Variants in TRRAP observed in about 807,000 individuals in gnomAD.
The protein encoded by TRRAP is transformation/transcription domain-associated protein.
In TRRAP, 41 loss-of-function variants were observed where a neutral mutation model predicts 438.8. That is an observed-to-expected ratio of 0.09 (90% CI 0.07 to 0.12). The LOEUF (loss-of-function observed/expected upper bound fraction) is 0.12. TRRAP is among the 10% of genes least tolerant of loss of function. The pLI is 1.00. For missense variants in TRRAP, 3,122 were observed against 5,055.1 expected, an observed-to-expected ratio of 0.62 and a Z score of 11.60; for synonymous variants, 1,994 against 1,962.9, an observed-to-expected ratio of 1.02 and a Z score of -0.42.
chr7:98,879,328 TC>T (rs1270050707), intron 1 of TRRAP, among the ~76,000 whole-genome samples: 7 of 152,178 alleles, frequency 4.6e-5, no homozygotes, highest in African/African-American at 1.7e-4. Context: ...GTTGACGACT[TC>T]CGTGGGAAGG....
rs148636423 is a variant in TRRAP, at chr7:98,968,895, G to C, written c.7512+1197G>C. ...CGTTCAGGAGACCTTTCGACTGCTG[G>C]TTAGTTGCCAGGCACTGGGTCAGGT... is the stretch of plus-strand genomic sequence containing the variant. On this transcript the variant is annotated intron_variant, in intron 51 of 72. Coordinates refer to ENST00000456197, the MANE Select transcript of TRRAP (RefSeq NM_001375524.1). 2.0e-5 allele frequency among the ~76,000 whole-genome samples: 3 copies of C among 152,354 alleles called. No individual in the cohort carries two copies. In the East Asian group the frequency reaches 5.8e-4, roughly 29 times the overall value.
chr7:98,958,828 G>A (rs988698962), intron 44 of TRRAP, among the ~76,000 whole-genome samples: 3 of 152,124 alleles, frequency 2.0e-5, no homozygotes, highest in African/African-American at 4.8e-5. Context: ...AGCAGTTTTA[G>A]TGCTTTGATA....
At position 98,910,232 on chromosome 7, in the gene TRRAP, C is replaced by G; in HGVS notation, c.1527C>G (p.Pro509=). The change falls in exon 15 of 73, where the codon CCC becomes CCG. Residue 509 remains proline (P), a synonymous_variant. Coordinates refer to ENST00000456197, the MANE Select transcript of TRRAP (RefSeq NM_001375524.1). ...CCCCTGTCCCTGCCCCACCTCCACC[C>G]CCGCCCCCACCCCCACCTGCCACCC... ...SPAPVPAPPP[P]PPPPPPATPV... 1 of 1,435,524 alleles carries G rather than the reference C, an allele frequency of 7.0e-7. No individual in the cohort carries two copies. The highest frequency in any genetic ancestry group is 9.2e-7 in the Non-Finnish European group (1 of 1,089,922). 88.9% of individuals were successfully genotyped at this position (1,435,524 alleles called of 1,614,324 possible).
rs572659624 is a variant in TRRAP, at chr7:98,964,616, T to C, written c.6830-13T>C. ...ACTTTTCTGTGAAACACTTGGCAATTTCTACATTTTAGGGACCCTTATGAT... is the reference window on the plus strand; with the variant it reads ...ACTTTTCTGTGAAACACTTGGCAATCTCTACATTTTAGGGACCCTTATGAT... On this transcript the variant is annotated splice_polypyrimidine_tract_variant and intron_variant, in intron 47 of 72. Coordinates refer to ENST00000456197, the MANE Select transcript of TRRAP (RefSeq NM_001375524.1). The C allele has an allele frequency of 6.2e-7, 1 of 1,603,138 alleles. No individual in the cohort carries two copies. The highest frequency in any genetic ancestry group is 1.1e-5 in the South Asian group (1 of 88,708).
intron 11 of TRRAP, among the ~76,000 whole-genome samples, chr7:98,901,431 G>A (rs150550687): frequency 6.6e-6 from 1 of 152,362 alleles, no homozygotes; most frequent in Non-Finnish European, 1.5e-5. Context: ...TTAAGGGGAT[G>A]CAGCTCAATC....
At chr7:98,879,458 C>T (rs544616192) in intron 1 of TRRAP, among the ~76,000 whole-genome samples, 40 of 151,542 alleles carry the variant, frequency 2.6e-4, no homozygotes, top group African/African-American at 9.2e-4. Flanking sequence ...TCTTGGGTAC[C>T]CTGGGATGGG....
chr7:98,994,089 A>G lies in TRRAP; in HGVS notation c.10047+352A>G, dbSNP rs961530711. ...ATAATTTCCATAGATGGGAAATTGT[A>G]GGGATGTGGGGTCTTTTCAGCAGTC... On this transcript the variant is annotated intron_variant, in intron 66 of 72. Transcript: ENST00000456197. The surrounding 1 kb of genome is among the most constrained non-coding windows in gnomAD (Gnocchi z 4.8). Among the ~76,000 whole-genome samples, 1 of 152,160 alleles carries G rather than the reference A, an allele frequency of 6.6e-6. No individual in the cohort carries two copies.
At chr7:98,884,902 C>T (rs893117191) in intron 3 of TRRAP, among the ~76,000 whole-genome samples, 1 of 152,078 alleles carries the variant, frequency 6.6e-6, no homozygotes, top group South Asian at 2.1e-4. Flanking sequence ...AAAGTTATCT[C>T]GTATTTTGCA....
Position 98,988,975 on chromosome 7 carries a change from G to GA in TRRAP, c.9591+15dup, listed in dbSNP as rs1793270349. ...GGAAATACTTAGCCAAGGTGAGACC[G>GA]AAAAAACGAGCTTTGACCAGAGGCC... is the stretch of plus-strand genomic sequence containing the variant. On this transcript the variant is annotated intron_variant, in intron 63 of 72. Transcript: ENST00000456197. 6.2e-7 allele frequency: 1 copy of GA among 1,608,720 alleles called. No individual in the cohort carries two copies. The highest frequency in any genetic ancestry group is 8.5e-7 in the Non-Finnish European group (1 of 1,177,558).
intron 29 of TRRAP, among the ~76,000 whole-genome samples, 160 bp downstream of exon 29, chr7:98,937,437 C>T (rs1554414533): frequency 1.3e-5 from 2 of 152,094 alleles, no homozygotes; most frequent in African/African-American, 4.8e-5. Context: ...TAAGAATATA[C>T]CTGTTTCATA....
chr7:98,928,210 T>A (rs1252863682), intron 23 of TRRAP, among the ~76,000 whole-genome samples: 1 of 151,854 alleles, frequency 6.6e-6, no homozygotes, highest in African/African-American at 2.4e-5. Flanking sequence ...TGTTCCAGCC[T>A]GGGCAACAAG....
Position 98,976,232 on chromosome 7 carries a change from C to G in TRRAP, c.7923C>G (p.Pro2641=). 3.1e-6 allele frequency: 5 copies of G among 1,614,184 alleles called. No homozygotes were observed. The highest frequency in any genetic ancestry group is 4.2e-6 in the Non-Finnish European group (5 of 1,180,026). The part of the protein sequence containing the change: ...LAEKTWVQLF[P]RLWKILSDRQ... ...AGAAGACGTGGGTCCAGCTTTTCCC[C>G]AGATTGTGGAAGATCCTCTCTGACA... Residue 2641 remains proline, a synonymous_variant, in exon 54 of 73, where the codon CCC becomes CCG. Coordinates refer to ENST00000456197, the MANE Select transcript of TRRAP (RefSeq NM_001375524.1). This position sits in a 1 kb window ranked among gnomAD's most constrained non-coding sequence, Gnocchi z 4.6.
At chr7:98,888,647 C>CAA (rs1795823856) in intron 3 of TRRAP, among the ~76,000 whole-genome samples, 1 of 152,194 alleles carries the variant, frequency 6.6e-6, no homozygotes, top group African/African-American at 2.4e-5. Context: ...TGTGCCTTTG[C>CAA]ATGTGCTTTT....
intron 20 of TRRAP, among the ~76,000 whole-genome samples, chr7:98,917,928 C>T (rs1789584474): frequency 6.6e-6 from 1 of 151,976 alleles, no homozygotes; most frequent in Admixed American, 6.6e-5. Context: ...TGGAGACCAG[C>T]CTGGGCAACA....
chr7:98,999,322 A>G, intron 67 of TRRAP: 1 of 1,375,320 alleles, frequency 7.3e-7, no homozygotes. Flanking sequence ...GCTTGATCAA[A>G]GTCCAAGATT....
chr7:99,010,523 G>A (rs546549217), intron 70 of TRRAP, among the ~76,000 whole-genome samples: 2 of 152,298 alleles, frequency 1.3e-5, no homozygotes, highest in East Asian at 3.9e-4. Context: ...ATGGTCGAAC[G>A]GGAAGTCCAT....
chr7:98,906,798 C>T (rs996464579), intron 13 of TRRAP, among the ~76,000 whole-genome samples: 7 of 152,050 alleles, frequency 4.6e-5, no homozygotes, highest in African/African-American at 1.5e-4. Context: ...AGGAAGAAAT[C>T]AGAGTAATCA....
intron 23 of TRRAP, 100 bp from the exon 24 acceptor site, chr7:98,929,889 C>A: frequency 7.5e-7 from 1 of 1,341,316 alleles, no homozygotes; most frequent in Non-Finnish European, 1.0e-6. Context: ...CCGCCGTGCC[C>A]TGCTTTTTAT....
chr7:98,993,178 T>C (rs1343745836), intron 65 of TRRAP, among the ~76,000 whole-genome samples: 1 of 152,254 alleles, frequency 6.6e-6, no homozygotes, highest in East Asian at 1.9e-4. Context: ...ATGTTTAGGA[T>C]GATCAGACGT....
Sources: allele counts gnomAD v4.1 joint callset (sites outside exome capture counted in the v4.1 genomes callset), GRCh38; gene constraint gnomAD v4.1.1; non-coding constraint Gnocchi (gnomAD v3.1); transcripts MANE v1.5; gene names NCBI Gene and HGNC (gene_info 2026-07-23, HGNC 2026-07-21).